Variants in ADCY8 observed in about 807,000 individuals in gnomAD.
ADCY8 encodes the protein adenylate cyclase type 8.
In ADCY8, 51 loss-of-function variants were observed where a neutral mutation model predicts 119.7. That is an observed-to-expected ratio of 0.43 (90% confidence interval 0.34 to 0.54). The LOEUF is 0.54. Among genes scored for constraint, ADCY8 ranks in the 20% least tolerant of loss-of-function variants. The pLI, the probability that ADCY8 is intolerant of heterozygous loss-of-function variation, is 0.03. For missense variants in ADCY8, 1,383 were observed against 1,598.8 expected (o/e 0.87, Z 2.30); for synonymous variants, 665 against 651.0 (o/e 1.02, Z -0.33).
chr8:131,038,445 C>T (rs1824234608), intron 1 of ADCY8, among the ~76,000 whole-genome samples: 1 of 152,116 alleles, frequency 6.6e-6, no homozygotes, highest in Non-Finnish European at 1.5e-5. Flanking sequence ...ATACATTTTG[C>T]AAAGACAGTG....
At chr8:130,866,800 T>A (rs756526768) in intron 9 of ADCY8, among the ~76,000 whole-genome samples, 4 of 152,150 alleles carry the variant, frequency 2.6e-5, no homozygotes, top group Non-Finnish European at 5.9e-5. Flanking sequence ...CGAATGGGAA[T>A]TGGAATGCTG....
chr8:130,982,158 G>A (rs1188587036), intron 2 of ADCY8, among the ~76,000 whole-genome samples: 1 of 152,156 alleles, frequency 6.6e-6, no homozygotes, highest in African/African-American at 2.4e-5. Flanking sequence ...ACCCACATCG[G>A]GTAAACACAG....
At chr8:130,928,871 T>A (rs1324529165) in intron 5 of ADCY8, among the ~76,000 whole-genome samples, 1 of 152,146 alleles carries the variant, frequency 6.6e-6, no homozygotes, top group Non-Finnish European at 1.5e-5. Context: ...GAATTGATAT[T>A]CTTCTTTAAA....
chr8:130,800,710 A>G, intron 14 of ADCY8, 138 bp from the exon 15 acceptor site: 1 of 929,800 alleles, frequency 1.1e-6, no homozygotes, highest in South Asian at 1.7e-5. Context: ...GGATATCGTT[A>G]TGTCAACAGT....
intron 8 of ADCY8, among the ~76,000 whole-genome samples, chr8:130,868,644 T>C (rs1818215547): frequency 6.6e-6 from 1 of 152,220 alleles, no homozygotes; most frequent in African/African-American, 2.4e-5. Flanking sequence ...TGAACTATCT[T>C]GGAGTTACTA....
intron 15 of ADCY8, among the ~76,000 whole-genome samples, chr8:130,795,351 A>G (rs1280135519): frequency 1.3e-5 from 2 of 152,232 alleles, no homozygotes; most frequent in African/African-American, 4.8e-5. Flanking sequence ...AAAATGTGGA[A>G]CACCTTTTTC....
At chr8:130,993,325 G>T (rs1272979910) in intron 1 of ADCY8, among the ~76,000 whole-genome samples, 2 of 152,092 alleles carry the variant, frequency 1.3e-5, no homozygotes, top group African/African-American at 4.8e-5. Flanking sequence ...TAAGATAAAA[G>T]TCTATGTAAT....
rs1444502350 is a variant in ADCY8, at chr8:130,849,474, G to C, written c.2412+128C>G. 5.4e-6 allele frequency: 5 copies of C among 928,886 alleles called. No individual in the cohort carries two copies. In the East Asian group the frequency reaches 1.3e-4, roughly 24 times the overall value. The allele number at this position is 928,886 out of a possible 1,614,324, so 57.5% of individuals were successfully genotyped here. ...ATCTTTGTTATCTGTCCCTAAGCTT[G>C]GGGCTGGACCAGGCACATAAAGGTA... On this transcript the variant is annotated intron_variant, in intron 10 of 17. Coordinates refer to ENST00000286355, the MANE Select transcript of ADCY8 (RefSeq NM_001115.3).
At chr8:130,961,630 G>A (rs780838621) in intron 2 of ADCY8, among the ~76,000 whole-genome samples, 1 of 152,074 alleles carries the variant, frequency 6.6e-6, no homozygotes, top group Non-Finnish European at 1.5e-5. Flanking sequence ...TTCTTGTAAT[G>A]CTCATCACAC....
At chr8:130,797,461 C>G (rs146449833) in intron 15 of ADCY8, among the ~76,000 whole-genome samples, 143 of 152,300 alleles carry the variant, frequency 9.4e-4, no homozygotes, top group African/African-American at 3.3e-3. Context: ...CCTATCTTCA[C>G]CTTACTATCT....
intron 8 of ADCY8, among the ~76,000 whole-genome samples, chr8:130,871,837 G>T (rs915400053): frequency 2.0e-5 from 3 of 152,206 alleles, no homozygotes; most frequent in South Asian, 2.1e-4. Flanking sequence ...CCACCACCGG[G>T]TAGAATTCTT....
At chr8:130,911,311 C>T (rs1819973108) in intron 5 of ADCY8, among the ~76,000 whole-genome samples, 1 of 152,104 alleles carries the variant, frequency 6.6e-6, no homozygotes, top group South Asian at 2.1e-4. Flanking sequence ...CTTAGAGCTG[C>T]ACATTTACTA....
chr8:130,781,596 C>T (rs1815081194), intron 17 of ADCY8, among the ~76,000 whole-genome samples: 1 of 152,228 alleles, frequency 6.6e-6, no homozygotes, highest in Admixed American at 6.5e-5. Flanking sequence ...TTATCCCACT[C>T]TCTTCCTTAC....
chr8:131,012,218 T>A (rs1823328881), intron 1 of ADCY8, among the ~76,000 whole-genome samples: 2 of 152,132 alleles, frequency 1.3e-5, no homozygotes, highest in Admixed American at 1.3e-4. Context: ...ACAAGAAGAA[T>A]CACCATCTGG....
intron 2 of ADCY8, among the ~76,000 whole-genome samples, chr8:130,961,103 C>T (rs1821588371): frequency 1.3e-5 from 2 of 152,152 alleles, no homozygotes; most frequent in South Asian, 2.1e-4. Flanking sequence ...AATCTCCAAT[C>T]ACTTTCTTTC....
At position 130,945,658 on chromosome 8, in the gene ADCY8, C is replaced by T. The variant is rs574786329; in HGVS notation, c.1242-2196G>A. ...ATTTTACAAAATTATACTATAATTG[C>T]ATGTTATATTTGAGAGAGAAAGAGA... On this transcript the variant is annotated intron_variant, in intron 3 of 17. Transcript: ENST00000286355. 1.1e-4 allele frequency among the ~76,000 whole-genome samples: 17 copies of T among 152,252 alleles called. No individual in the cohort carries two copies. In the East Asian group the frequency reaches 3.3e-3, roughly 29 times the overall value.
intron 1 of ADCY8, among the ~76,000 whole-genome samples, chr8:131,019,797 T>TTCTCTCTCTC (rs61010907): frequency 4.3e-4 from 45 of 104,928 alleles, no homozygotes; most frequent in South Asian, 2.6e-3. Context: ...ATGGAACAAA[T>TTCTCTCTCTC]TCTCTCTCTC....
chr8:130,876,979 CT>C (rs1374544279), intron 8 of ADCY8, among the ~76,000 whole-genome samples: 4 of 152,108 alleles, frequency 2.6e-5, no homozygotes, highest in Admixed American at 2.6e-4. Context: ...CCTTCTATTA[CT>C]GTGGGCCTTG....
At chr8:130,938,619 G>A (rs950318083) in intron 4 of ADCY8, among the ~76,000 whole-genome samples, 2 of 152,108 alleles carry the variant, frequency 1.3e-5, no homozygotes, top group South Asian at 2.1e-4. Context: ...GCACTGTGTT[G>A]GTTTCCCAAT....
Sources: gnomAD v4.1 joint callset for allele counts (sites outside exome capture counted in the v4.1 genomes callset) on GRCh38, gnomAD v4.1.1 for gene constraint, MANE v1.5 for transcripts, NCBI Gene and HGNC (gene_info 2026-07-23, HGNC 2026-07-21) for gene names.